The following SAMD4A variants were observed in gnomAD, a reference collection of about 807,000 sequenced individuals.
SAMD4A encodes the protein sterile alpha motif domain containing 4A, also known as protein Smaug homolog 1.
Under a neutral mutation model 81.3 loss-of-function variants are expected in SAMD4A, and 33 were observed. That is an observed-to-expected ratio of 0.41 (90% CI 0.31 to 0.54). The LOEUF (loss-of-function observed/expected upper bound fraction) is 0.54. SAMD4A is among the 20% of genes least tolerant of loss of function. The probability of loss-of-function intolerance (pLI) is 0.37; values close to 1 mark genes in which losing one functional copy is unlikely to be tolerated. For missense variants in SAMD4A, 854 were observed against 951.1 expected (o/e 0.90, Z 1.34); for synonymous variants, 389 against 382.1 (o/e 1.02, Z -0.21).
At chr14:54,712,976 T>C (rs982391254) in intron 3 of SAMD4A, among the ~76,000 whole-genome samples, 4 of 152,194 alleles carry the variant, frequency 2.6e-5, no homozygotes, top group African/African-American at 9.6e-5. Flanking sequence ...ATGAACAGGA[T>C]GGCTTCTGTA....
At chr14:54,622,290 G>A (rs533040543) in intron 2 of SAMD4A, among the ~76,000 whole-genome samples, 2 of 152,236 alleles carry the variant, frequency 1.3e-5, no homozygotes, top group Admixed American at 6.5e-5. Flanking sequence ...TTCTTAATAC[G>A]TGGTCATTCT....
chr14:54,731,654 G>T (rs554066643), intron 3 of SAMD4A, among the ~76,000 whole-genome samples: 9 of 152,120 alleles, frequency 5.9e-5, no homozygotes, highest in African/African-American at 2.2e-4. Context: ...TTAATGAAGC[G>T]TATGTTTTTC....
chr14:54,581,788 C>G (rs1171440938), intron 2 of SAMD4A, among the ~76,000 whole-genome samples: 8 of 152,058 alleles, frequency 5.3e-5, no homozygotes. Flanking sequence ...AGAGGTAAAC[C>G]TAGATAAAAA....
intron 2 of SAMD4A, chr14:54,688,021 GAGA>G (rs2036321910): frequency 2.0e-6 from 2 of 985,736 alleles, no homozygotes; most frequent in African/African-American, 3.5e-5. Context: ...GGAAGAAAAG[GAGA>G]AGGACAAAGT....
chr14:54,678,676 G>A (rs1471115952), intron 2 of SAMD4A, among the ~76,000 whole-genome samples: 1 of 151,318 alleles, frequency 6.6e-6, no homozygotes, highest in Non-Finnish European at 1.5e-5. Context: ...AGCCTCCTGA[G>A]TAGCTGGGAC....
intron 2 of SAMD4A, among the ~76,000 whole-genome samples, chr14:54,578,036 C>T (rs1028177292): frequency 6.6e-6 from 1 of 152,182 alleles, no homozygotes; most frequent in African/African-American, 2.4e-5. Context: ...ATAATCCTTT[C>T]GAGTAAGACT....
intron 2 of SAMD4A, among the ~76,000 whole-genome samples, chr14:54,568,643 G>T (rs966441024): frequency 1.4e-5 from 2 of 138,536 alleles, no homozygotes; most frequent in African/African-American, 5.4e-5. Context: ...TTCGTCTTCA[G>T]AATAATATGC....
At position 54,568,220 on chromosome 14, in the gene SAMD4A, G is replaced by C. The variant is rs887405939; in HGVS notation, c.196+108G>C. 17 of 1,067,660 alleles carry C rather than the reference G, an allele frequency of 1.6e-5. No homozygotes were observed. The African/African-American group carries it at 2.6e-4, about 16-fold the overall frequency. 66.1% of individuals were successfully genotyped at this position (1,067,660 alleles called of 1,614,324 possible). On this transcript the variant is annotated intron_variant, in intron 2 of 12. Coordinates refer to ENST00000554335, the MANE Select transcript of SAMD4A (RefSeq NM_015589.6). ...AGGCCAGTCCCTGCCAGCCGCGCCG[G>C]GACCTGGACGGCGTGGCCCCGAGGC... is the stretch of plus-strand genomic sequence containing the variant.
intron 8 of SAMD4A, among the ~76,000 whole-genome samples, chr14:54,765,469 A>G (rs1022005347): frequency 2.0e-4 from 30 of 151,298 alleles, no homozygotes; most frequent in Non-Finnish European, 3.1e-4. Flanking sequence ...CGAAAAAAAA[A>G]AAAAAAAGCC....
At chr14:54,595,166 C>T (rs2033878750) in intron 2 of SAMD4A, among the ~76,000 whole-genome samples, 1 of 152,144 alleles carries the variant, frequency 6.6e-6, no homozygotes, top group African/African-American at 2.4e-5. Context: ...TCTCAGCTTT[C>T]ATTTCCCAAC....
intron 4 of SAMD4A, among the ~76,000 whole-genome samples, chr14:54,740,924 A>G (rs1187609150): frequency 6.6e-6 from 1 of 152,218 alleles, no homozygotes; most frequent in Admixed American, 6.5e-5. Flanking sequence ...TCACGCTAAT[A>G]TCTCAAGCTA....
chr14:54,726,203 G>A (rs1361409464), intron 3 of SAMD4A, among the ~76,000 whole-genome samples: 1 of 152,088 alleles, frequency 6.6e-6, no homozygotes, highest in Non-Finnish European at 1.5e-5. Context: ...GGGGCCTGAG[G>A]CTGACCCCTG....
chr14:54,656,963 A>AT (rs370540288), intron 2 of SAMD4A, among the ~76,000 whole-genome samples: 2,985 of 147,014 alleles, frequency 0.02, 79 homozygotes, highest in African/African-American at 0.069. Context: ...CACTGACATG[A>AT]TTTTTTTTTT....
intron 2 of SAMD4A, among the ~76,000 whole-genome samples, chr14:54,616,310 C>T (rs551000599): frequency 6.6e-6 from 1 of 152,278 alleles, no homozygotes; most frequent in South Asian, 2.1e-4. Context: ...GGGACAATGC[C>T]TATTTTTTTT....
At chr14:54,729,775 G>A (rs567649884) in intron 3 of SAMD4A, among the ~76,000 whole-genome samples, 24 of 152,302 alleles carry the variant, frequency 1.6e-4, no homozygotes, top group African/African-American at 5.8e-4. Flanking sequence ...CATAGTTGAT[G>A]GAAGTTGTCA....
intron 7 of SAMD4A, among the ~76,000 whole-genome samples, chr14:54,763,232 T>C (rs1481711770): frequency 1.3e-5 from 2 of 151,408 alleles, no homozygotes; most frequent in East Asian, 3.9e-4. Flanking sequence ...AAAAATACTA[T>C]AGCCGGACAC....
intron 2 of SAMD4A, among the ~76,000 whole-genome samples, chr14:54,574,589 A>G (rs1400834085): frequency 6.6e-6 from 1 of 152,194 alleles, no homozygotes; most frequent in African/African-American, 2.4e-5. Context: ...ATCAATCCCA[A>G]CACTCTATGA....
chr14:54,634,859 A>G (rs1354774074), intron 2 of SAMD4A, among the ~76,000 whole-genome samples: 1 of 152,216 alleles, frequency 6.6e-6, no homozygotes, highest in Admixed American at 6.5e-5. Context: ...ATATACTAAC[A>G]TAGTAATAAA....
At chr14:54,723,141 T>G (rs2037305700) in intron 3 of SAMD4A, among the ~76,000 whole-genome samples, 2 of 152,054 alleles carry the variant, frequency 1.3e-5, no homozygotes, top group South Asian at 4.1e-4. Flanking sequence ...CTCTTAGGTC[T>G]GCTGCTCCTC....
Sources: allele counts gnomAD v4.1 joint callset (sites outside exome capture counted in the v4.1 genomes callset), GRCh38; gene constraint gnomAD v4.1.1; transcripts MANE v1.5; gene names NCBI Gene and HGNC (gene_info 2026-07-23, HGNC 2026-07-21).